Variants in MIB1 observed in about 807,000 individuals in gnomAD.
The protein encoded by MIB1 is E3 ubiquitin-protein ligase MIB1.
MIB1 carries 278 observed loss-of-function variants against 124.5 expected under a neutral mutation model. That is an observed-to-expected ratio of 2.23 (90% CI 2.02 to 2.47). The LOEUF (loss-of-function observed/expected upper bound fraction) is 2.47. Among genes scored for constraint, MIB1 ranks in the 30% most tolerant of loss-of-function variants. The pLI is 0.00. For missense variants in MIB1, 957 were observed against 1,254.4 expected (o/e 0.76, Z 3.58); for synonymous variants, 446 against 429.4 (o/e 1.04, Z -0.48).
In MIB1 at chr18:21,741,854, GA is replaced by G; in HGVS notation, c.229+44del. 1 of 1,500,840 alleles carries G rather than the reference GA, an allele frequency of 6.7e-7. No homozygotes were observed. 93.0% of individuals were successfully genotyped at this position (1,500,840 alleles called of 1,614,324 possible). A position where few individuals can be genotyped will look rare whatever the true frequency, so the allele number is the denominator to read the frequency against. On this transcript the variant is annotated intron_variant, in intron 1 of 20. Coordinates refer to ENST00000261537, the MANE Select transcript of MIB1 (RefSeq NM_020774.4). This position sits in a 1 kb window ranked among gnomAD's most constrained non-coding sequence, Gnocchi z 5.4. ...TGGCCAGGGCTTGCGCGCGCGGGGG[GA>G]AGGGGCGAGCTGCGGTGGGCGTCGG... is the stretch of plus-strand genomic sequence containing the variant.
intron 12 of MIB1, among the ~76,000 whole-genome samples, chr18:21,824,150 G>A (rs965543819): frequency 6.6e-6 from 1 of 152,034 alleles, no homozygotes; most frequent in Non-Finnish European, 1.5e-5. Context: ...AATTTTTCTT[G>A]AATAGAAATT....
intron 4 of MIB1, among the ~76,000 whole-genome samples, chr18:21,775,680 AT>A (rs2041277038): frequency 6.6e-6 from 1 of 152,090 alleles, no homozygotes; most frequent in South Asian, 2.1e-4. Flanking sequence ...TAAATTGTCA[AT>A]TTTTTAGGAT....
intron 1 of MIB1, among the ~76,000 whole-genome samples, chr18:21,750,367 G>A (rs946299035): frequency 2.6e-5 from 4 of 151,874 alleles, no homozygotes; most frequent in African/African-American, 4.8e-5. Context: ...TCGCTCTGTC[G>A]TCCAGGCTAG....
At chr18:21,806,981 C>G (rs1470343637) in intron 10 of MIB1, among the ~76,000 whole-genome samples, 2 of 152,108 alleles carry the variant, frequency 1.3e-5, no homozygotes, top group Non-Finnish European at 2.9e-5. Flanking sequence ...ATACATGGGA[C>G]TTTTACCATA....
intron 1 of MIB1, among the ~76,000 whole-genome samples, chr18:21,744,321 T>C (rs1364337894): frequency 6.6e-6 from 1 of 152,148 alleles, no homozygotes; most frequent in Non-Finnish European, 1.5e-5. Flanking sequence ...TAACTTTTGT[T>C]TTTGAAACAA....
chr18:21,714,950 T>G (rs1327130858), intron 1 of MIB1, among the ~76,000 whole-genome samples: 1 of 152,178 alleles, frequency 6.6e-6, no homozygotes, highest in Non-Finnish European at 1.5e-5. Context: ...GATCACCCCA[T>G]GGAGGATCAT....
intron 12 of MIB1, among the ~76,000 whole-genome samples, chr18:21,831,770 C>T (rs1184081147): frequency 6.6e-6 from 1 of 152,010 alleles, no homozygotes; most frequent in African/African-American, 2.4e-5. Context: ...TGCACTGTCA[C>T]TATACTTAGA....
Position 21,765,823 on chromosome 18 carries a change from TTG to T in MIB1, c.282_283del (p.Ile94MetfsTer13), listed in dbSNP as rs748268854. 1 of 1,614,180 alleles carries T rather than the reference TTG, an allele frequency of 6.2e-7. No individual in the cohort carries two copies. On this transcript the variant is annotated frameshift_variant, in exon 2 of 21. Transcript: ENST00000261537. LOFTEE classifies it high-confidence loss of function. ...GATACCTGCCGCCAGCAACCAATCA[TTG>T]GCATTCGATGGAAGTGTGCAGAGTG...
intron 12 of MIB1, among the ~76,000 whole-genome samples, chr18:21,824,579 T>A (rs1416644163): frequency 6.6e-6 from 1 of 152,100 alleles, no homozygotes; most frequent in Non-Finnish European, 1.5e-5. Flanking sequence ...TTCCTTGTAA[T>A]ACACAAATGT....
In MIB1 at chr18:21,770,050, A is replaced by G. The variant is rs377749692; in HGVS notation, c.531+1298A>G. Reference sequence around the variant, plus strand: ...GAGACCCTGTCTCCACTAAAAATACAAAAATTAGCCAGGCATGGTGGTACA... The same window carrying G: ...GAGACCCTGTCTCCACTAAAAATACGAAAATTAGCCAGGCATGGTGGTACA... On this transcript the variant is annotated intron_variant, in intron 3 of 20. Coordinates refer to ENST00000261537, the MANE Select transcript of MIB1 (RefSeq NM_020774.4). 2.0e-5 allele frequency among the ~76,000 whole-genome samples: 3 copies of G among 152,110 alleles called. No individual in the cohort carries two copies. In the South Asian group the frequency reaches 6.2e-4, roughly 32 times the overall value.
intron 8 of MIB1, among the ~76,000 whole-genome samples, chr18:21,798,990 A>C (rs1184590699): frequency 6.6e-6 from 1 of 152,052 alleles, no homozygotes; most frequent in Non-Finnish European, 1.5e-5. Context: ...GTAATTTGCT[A>C]GTATGCTTAA....
rs1354332641 is a variant in MIB1 at position 21,753,842 on chromosome 18, A to T, written c.230-11930A>T. Among the ~76,000 whole-genome samples, 3 of 151,564 alleles carry T rather than the reference A, an allele frequency of 2.0e-5. No homozygotes were observed. The East Asian group carries it at 5.9e-4, about 30-fold the overall frequency. The stretch of plus-strand genomic sequence containing the variant: ...TAGGCGCCTGCCACCACACCCAGTT[A>T]ATTTTTTGTGTTTTTATTAGAGACA... On this transcript the variant is annotated intron_variant, in intron 1 of 20. Transcript: ENST00000261537.
rs1442362222 is a variant in MIB1, at chr18:21,867,158, AG to A, written c.*2493del. The A allele has an allele frequency of 6.6e-6, 1 of 152,420 alleles. No individual in the cohort carries two copies. Among genetic ancestry groups the A allele is most frequent in the Non-Finnish European group, 1.5e-5 (1 of 68,038 alleles). The allele number at this position is 152,420 out of a possible 1,614,324, so 9.4% of individuals were successfully genotyped here. ...AAGTATTTATTGGGCTTTAGGGATT[AG>A]ATACACAACAGTGGAAAAATGGCAT... On this transcript the variant is annotated 3_prime_UTR_variant, in exon 21 of 21. Transcript: ENST00000261537.
chr18:21,813,710 T>G (rs1204198360), intron 10 of MIB1, among the ~76,000 whole-genome samples: 2 of 152,240 alleles, frequency 1.3e-5, no homozygotes, highest in East Asian at 3.8e-4. Flanking sequence ...TAAGTGCATT[T>G]AATCATAACA....
At chr18:21,751,129 G>A (rs533888794) in intron 1 of MIB1, among the ~76,000 whole-genome samples, 127 of 152,146 alleles carry the variant, frequency 8.3e-4, no homozygotes, top group Non-Finnish European at 1.5e-3. Context: ...TTGAGCCTGG[G>A]AGGCAGAGGT....
chr18:21,813,451 C>G (rs1276048902), intron 10 of MIB1, among the ~76,000 whole-genome samples: 1 of 152,076 alleles, frequency 6.6e-6, no homozygotes, highest in Admixed American at 6.5e-5. Context: ...CACAAGACCC[C>G]CAGGGAAAAG....
chr18:21,715,171 A>G (rs1023391734), intron 1 of MIB1, among the ~76,000 whole-genome samples: 2 of 152,220 alleles, frequency 1.3e-5, no homozygotes, highest in African/African-American at 4.8e-5. Flanking sequence ...AGACCCACAG[A>G]TGGCTCATAT....
At chr18:21,737,363 A>G (rs2040800988), upstream of MIB1, among the ~76,000 whole-genome samples, 1 of 152,210 alleles carries the variant, frequency 6.6e-6, no homozygotes, top group Admixed American at 6.5e-5. Flanking sequence ...GGCCTGCCTT[A>G]TAAGAGCTGA....
chr18:21,857,265 T>C lies in MIB1; in HGVS notation c.2779+22T>C, dbSNP rs546288110. On this transcript the variant is annotated intron_variant, in intron 19 of 20. Coordinates refer to ENST00000261537, the MANE Select transcript of MIB1 (RefSeq NM_020774.4). ...ATCTGTAAGTCGATTGTCTTAAGCA[T>C]TTTCATATTTTGCTTTTTTTTGGGA... 51 of 1,572,186 alleles carry C rather than the reference T, an allele frequency of 3.2e-5. No individual in the cohort carries two copies. In the South Asian group the frequency reaches 5.1e-4, roughly 16 times the overall value.
Sources: allele counts gnomAD v4.1 joint callset (sites outside exome capture counted in the v4.1 genomes callset), GRCh38; gene constraint gnomAD v4.1.1; non-coding constraint Gnocchi (gnomAD v3.1); transcripts MANE v1.5; gene names NCBI Gene and HGNC (gene_info 2026-07-23, HGNC 2026-07-21).